The following RPS6KA2 variants were observed in gnomAD, a reference collection of about 807,000 sequenced individuals.
RPS6KA2 encodes ribosomal protein S6 kinase A2.
A neutral mutation model predicts 91.8 loss-of-function variants in RPS6KA2; 42 were observed. That is an observed-to-expected ratio of 0.46 (90% CI 0.36 to 0.59). RPS6KA2 has a LOEUF of 0.59. Among genes scored for constraint, RPS6KA2 ranks in the 20% least tolerant of loss-of-function variants. The pLI, the probability that RPS6KA2 is intolerant of heterozygous loss-of-function variation, is 0.00. For missense variants in RPS6KA2, 798 were observed against 978.5 expected (o/e 0.82, Z 2.46); for synonymous variants, 414 against 393.6 (o/e 1.05, Z -0.61).
intron 2 of RPS6KA2, among the ~76,000 whole-genome samples, chr6:166,723,835 G>T (rs190515362): frequency 1.2e-3 from 187 of 151,874 alleles, no homozygotes; most frequent in African/African-American, 4.2e-3. Context: ...GAGTAGCTGG[G>T]ATTACAGGCA....
chr6:166,729,317 C>T (rs1387409383), intron 2 of RPS6KA2, among the ~76,000 whole-genome samples: 1 of 152,238 alleles, frequency 6.6e-6, no homozygotes, highest in Non-Finnish European at 1.5e-5. Flanking sequence ...AGTGAGACAT[C>T]AAAGTCACCT....
Position 166,720,911 on chromosome 6 carries a change from T to C in RPS6KA2, c.123+137289A>G, listed in dbSNP as rs975832779. ...CGAAGCAGGGATGAGCTCCTGTGTT[T>C]AATCTCAGATAGTTGAGGAGAAGAC... On this transcript the variant is annotated intron_variant, in intron 2 of 21. Transcript: ENST00000503859. Among the ~76,000 whole-genome samples the C allele has an allele frequency of 7.9e-4, 121 of 152,328 alleles. 1 individual carries two copies. The highest frequency in any genetic ancestry group is 2.8e-3 in the African/African-American group (117 of 41,580).
chr6:166,589,870 T>C (rs754485592), intron 1 of RPS6KA2, among the ~76,000 whole-genome samples: 14 of 152,150 alleles, frequency 9.2e-5, no homozygotes, highest in Non-Finnish European at 1.9e-4. Flanking sequence ...ATGAACAGAA[T>C]GGAGAGAGAC....
At chr6:166,668,653 T>G (rs1788386771) in intron 2 of RPS6KA2, among the ~76,000 whole-genome samples, 1 of 152,128 alleles carries the variant, frequency 6.6e-6, no homozygotes, top group South Asian at 2.1e-4. Flanking sequence ...ACGGAGGCAG[T>G]GCTCAGCTGC....
At chr6:166,585,190 C>T (rs1477579790) in intron 1 of RPS6KA2, among the ~76,000 whole-genome samples, 13 of 152,230 alleles carry the variant, frequency 8.5e-5, no homozygotes. Context: ...AAAGATGCAG[C>T]TCTGGCTACG....
intron 2 of RPS6KA2, among the ~76,000 whole-genome samples, chr6:166,669,405 G>A (rs1376245846): frequency 6.6e-6 from 1 of 152,178 alleles, no homozygotes; most frequent in Non-Finnish European, 1.5e-5. Flanking sequence ...AGAGAGGACA[G>A]CTATGTAGTC....
At chr6:166,638,494 C>T (rs561416071) in intron 2 of RPS6KA2, among the ~76,000 whole-genome samples, 6 of 151,936 alleles carry the variant, frequency 3.9e-5, no homozygotes, top group African/African-American at 7.2e-5. Context: ...TAGCTGAGCA[C>T]GTGTACCATT....
At chr6:166,862,062 G>A (rs1035618707) in intron 1 of RPS6KA2, 10 of 1,613,024 alleles carry the variant, frequency 6.2e-6, no homozygotes, top group South Asian at 5.5e-5. Flanking sequence ...TGCAGAGTTC[G>A]GATTCTTGAG....
intron 2 of RPS6KA2, among the ~76,000 whole-genome samples, chr6:166,697,985 G>A (rs7750822): frequency 6.6e-6 from 1 of 152,192 alleles, no homozygotes; most frequent in Non-Finnish European, 1.5e-5. Flanking sequence ...GGATGGTGAA[G>A]AAGTGGGGAA....
chr6:166,746,167 C>T (rs67538405), intron 2 of RPS6KA2, among the ~76,000 whole-genome samples: 11,882 of 152,218 alleles, frequency 0.078, 591 homozygotes, highest in East Asian at 0.23. Flanking sequence ...CGCACACACC[C>T]AGCTGGAGTA....
chr6:166,688,244 C>T (rs1789085353), intron 2 of RPS6KA2, among the ~76,000 whole-genome samples: 1 of 152,108 alleles, frequency 6.6e-6, no homozygotes, highest in African/African-American at 2.4e-5. Flanking sequence ...TGGGTGTCTC[C>T]CTGGCTCACT....
chr6:166,483,609 T>C lies in RPS6KA2; in HGVS notation c.907+5224A>G, dbSNP rs181157186. Among the ~76,000 whole-genome samples the C allele has an allele frequency of 2.6e-5, 4 of 152,326 alleles. No individual in the cohort carries two copies. In the East Asian group the frequency reaches 7.7e-4, roughly 29 times the overall value. On this transcript the variant is annotated intron_variant, in intron 10 of 20. Coordinates refer to ENST00000265678, the MANE Select transcript of RPS6KA2 (RefSeq NM_021135.6). ...GGCCTTTTTTTCCTCTTTTTAAGAT[T>C]AAGGGTAAATCGCATCCTCACTAAA...
At chr6:166,827,768 A>G (rs957757395) in intron 2 of RPS6KA2, among the ~76,000 whole-genome samples, 1 of 152,224 alleles carries the variant, frequency 6.6e-6, no homozygotes, top group Non-Finnish European at 1.5e-5. Flanking sequence ...AAAACCTCAC[A>G]CTGCGTATCT....
At position 166,862,312 on chromosome 6, in the gene RPS6KA2, G is replaced by A; in HGVS notation, c.-142C>T. The A allele has an allele frequency of 4.6e-6, 7 of 1,531,234 alleles. No individual in the cohort carries two copies. In the East Asian group the frequency reaches 1.2e-4, roughly 25 times the overall value. The allele number at this position is 1,531,234 out of a possible 1,614,324, so 94.9% of individuals were successfully genotyped here. A position where few individuals can be genotyped will look rare whatever the true frequency, so the allele number is the denominator to read the frequency against. On this transcript the variant is annotated 5_prime_UTR_variant, in exon 1 of 22. Transcript: ENST00000503859. ...GGCCGGCGGGTGGCGGCGATGGAGA[G>A]GACAGATCCGGCTCCCAGAGGAGGT...
At chr6:166,468,856 T>TCCATCTCA (rs567161437) in intron 11 of RPS6KA2, among the ~76,000 whole-genome samples, 2 of 112,182 alleles carry the variant, frequency 1.8e-5, no homozygotes, top group African/African-American at 7.7e-5. Flanking sequence ...AGAGCGAGAC[T>TCCATCTCA]AAAAAAAAAA....
chr6:166,675,959 G>A (rs912897815), intron 2 of RPS6KA2, among the ~76,000 whole-genome samples: 13 of 152,242 alleles, frequency 8.5e-5, no homozygotes, highest in Admixed American at 2.6e-4. Context: ...GCTGTCAATC[G>A]TCATAACAGA....
chr6:166,625,419 G>A (rs1399404750), intron 1 of RPS6KA2, among the ~76,000 whole-genome samples: 1 of 145,044 alleles, frequency 6.9e-6, no homozygotes, highest in East Asian at 2.1e-4. Context: ...GACACCAGAG[G>A]CGTGTGTATC....
chr6:166,478,088 A>T (rs1383462142), intron 10 of RPS6KA2, among the ~76,000 whole-genome samples: 1 of 152,122 alleles, frequency 6.6e-6, no homozygotes, highest in Admixed American at 6.5e-5. Context: ...GGAGGGGTGC[A>T]CAGCAAACCC....
At position 166,656,714 on chromosome 6, in the gene RPS6KA2, C is replaced by T. The variant is rs544090307; in HGVS notation, c.124-117930G>A. On this transcript the variant is annotated intron_variant, in intron 2 of 21. Transcript: ENST00000503859. The stretch of plus-strand genomic sequence containing the variant: ...GAAGCAAGTGCAGCACTGCGCGGTT[C>T]ACCTGCTGTGGGAACGGCAGGCCAG... Among the ~76,000 whole-genome samples, 161 of 152,342 alleles carry T rather than the reference C, an allele frequency of 1.1e-3. 2 individuals carry two copies. Among genetic ancestry groups the T allele is most frequent in the African/African-American group, 3.7e-3 (155 of 41,586 alleles).
Sources: allele counts gnomAD v4.1 joint callset (sites outside exome capture counted in the v4.1 genomes callset), GRCh38; gene constraint gnomAD v4.1.1; transcripts MANE v1.5; gene names NCBI Gene and HGNC (gene_info 2026-07-23, HGNC 2026-07-21).